The following FBXL5 variants were observed in gnomAD, a reference collection of about 807,000 sequenced individuals.
FBXL5 encodes the protein F-box and leucine rich repeat protein 5.
A neutral mutation model predicts 78.3 loss-of-function variants in FBXL5; 26 were observed. The ratio of observed to expected loss-of-function variants is 0.33; its 90% CI spans 0.24 to 0.46. The LOEUF (loss-of-function observed/expected upper bound fraction) is 0.46. Ranked by LOEUF, FBXL5 falls within the 20% of genes least tolerant of loss-of-function variation. The pLI, the probability that FBXL5 is intolerant of heterozygous loss-of-function variation, is 1.00. For synonymous variants in FBXL5, 295 were observed against 282.5 expected, an observed-to-expected ratio of 1.04 and a Z score of -0.45; for missense variants, 710 against 829.2, an observed-to-expected ratio of 0.86 and a Z score of 1.77.
chr4:15,650,971 C>G (rs1715959028), intron 1 of FBXL5, among the ~76,000 whole-genome samples: 1 of 152,120 alleles, frequency 6.6e-6, no homozygotes, highest in African/African-American at 2.4e-5. Flanking sequence ...AGTGATAAAT[C>G]AAGTATTACA....
chr4:15,644,525 T>G lies in FBXL5; in HGVS notation c.268A>C (p.Ser90Arg), dbSNP rs1246128976. The change falls in exon 2 of 11, where the codon AGC becomes CGC. Residue 90 changes from serine (S) to arginine (R), a missense_variant. By Grantham distance (110) the Ser-to-Arg change is moderately radical. Transcript: ENST00000341285. Reference protein sequence around the residue: ...HSDNKLSEMLSLFEKGLKNVK... With the variant: ...HSDNKLSEMLRLFEKGLKNVK... ...TTCTTCAGTCCCTTTTCAAAGAGGC[T>G]AAGCATCTCGGAGAGTTTATTGTCA... is the stretch of plus-strand genomic sequence containing the variant. 1 of 1,613,704 alleles carries G rather than the reference T, an allele frequency of 6.2e-7. No homozygotes were observed. Among genetic ancestry groups the G allele is most frequent in the African/African-American group, 1.3e-5 (1 of 74,944 alleles).
At chr4:15,627,829 A>G (rs2148585678) in intron 7 of FBXL5, 56 bp downstream of exon 7, 1 of 1,548,160 alleles carries the variant, frequency 6.5e-7, no homozygotes, top group Non-Finnish European at 8.7e-7. Context: ...TGAGCAAACC[A>G]AACTCTTATC....
intron 1 of FBXL5, among the ~76,000 whole-genome samples, chr4:15,646,344 T>C (rs921283680): frequency 6.7e-6 from 1 of 149,448 alleles, no homozygotes; most frequent in African/African-American, 2.5e-5. Context: ...AGGCAGGACA[T>C]ACTTGGTTAA....
At chr4:15,636,062 GAATT>G (rs1171219109) in intron 5 of FBXL5, among the ~76,000 whole-genome samples, 2 of 151,794 alleles carry the variant, frequency 1.3e-5, no homozygotes, top group Non-Finnish European at 2.9e-5. Context: ...AAATTTTATA[GAATT>G]TATTCTGTAT....
intron 9 of FBXL5, among the ~76,000 whole-genome samples, chr4:15,624,620 G>A (rs7682586): frequency 0.28 from 42,365 of 149,926 alleles, 6,212 homozygotes; most frequent in East Asian, 0.47. Flanking sequence ...AAAAAAAGTC[G>A]GTTTAATCTG....
At chr4:15,607,911 C>T (rs1183224907) in intron 10 of FBXL5, among the ~76,000 whole-genome samples, 1 of 152,104 alleles carries the variant, frequency 6.6e-6, no homozygotes, top group Non-Finnish European at 1.5e-5. Flanking sequence ...AACTGCAACT[C>T]CCTCAAATAT....
chr4:15,680,157 G>C (rs1718164822), intron 1 of FBXL5, among the ~76,000 whole-genome samples: 1 of 151,956 alleles, frequency 6.6e-6, no homozygotes, highest in Middle Eastern at 3.4e-3. Flanking sequence ...TATTGAAGGA[G>C]AGACCGAGTG....
At chr4:15,629,079 A>G (rs1242646795) in intron 6 of FBXL5, among the ~76,000 whole-genome samples, 5 of 152,266 alleles carry the variant, frequency 3.3e-5, no homozygotes, top group South Asian at 4.1e-4. Context: ...ATGAAAAACA[A>G]TAACTTCTTA....
chr4:15,658,651 C>T (rs1455818416), upstream of FBXL5, among the ~76,000 whole-genome samples: 2 of 152,172 alleles, frequency 1.3e-5, no homozygotes, highest in Non-Finnish European at 2.9e-5. Flanking sequence ...GATGCAGCCC[C>T]TTGACCATAG....
At chr4:15,636,177 A>G (rs1714242981) in intron 5 of FBXL5, among the ~76,000 whole-genome samples, 1 of 152,132 alleles carries the variant, frequency 6.6e-6, no homozygotes. Flanking sequence ...AAAACAGTCA[A>G]AAGCAGAACT....
At chr4:15,641,279 A>T (rs1173794335) in intron 2 of FBXL5, among the ~76,000 whole-genome samples, 1 of 152,112 alleles carries the variant, frequency 6.6e-6, no homozygotes, top group Non-Finnish European at 1.5e-5. Flanking sequence ...AAAACTCAGA[A>T]TATAGTTGAC....
At chr4:15,661,058 C>T (rs1717286597), upstream of FBXL5, among the ~76,000 whole-genome samples, 3 of 149,712 alleles carry the variant, frequency 2.0e-5, no homozygotes, top group Non-Finnish European at 3.0e-5. Context: ...GCCTGGGTGA[C>T]AGAGCAAGGC....
rs183065560 is a variant in FBXL5, at chr4:15,616,058, C to T, written c.1851-3644G>A. Among the ~76,000 whole-genome samples the T allele has an allele frequency of 5.5e-3, 841 of 151,790 alleles. 3 individuals carry two copies. The highest frequency in any genetic ancestry group is 0.01 in the Middle Eastern group (3 of 294). ...ACCGGGAGGAATGAACAACTCCAGA[C>T]GCGCTGCCTTAAGAGCTGTAACACT... On this transcript the variant is annotated intron_variant, in intron 9 of 10. Transcript: ENST00000341285.
intron 2 of FBXL5, 136 bp downstream of exon 2, chr4:15,644,357 T>C (rs1318075563): frequency 1.4e-6 from 1 of 702,830 alleles, no homozygotes; most frequent in African/African-American, 1.8e-5. Context: ...TAGTCTTCCT[T>C]GCCATCTTTA....
intron 6 of FBXL5, among the ~76,000 whole-genome samples, chr4:15,628,837 T>TA (rs1303394577): frequency 6.6e-6 from 1 of 151,948 alleles, no homozygotes; most frequent in Non-Finnish European, 1.5e-5. Flanking sequence ...AAAATTACTT[T>TA]AGTGAGCCCT....
intron 8 of FBXL5, 55 bp from the exon 9 acceptor site, chr4:15,626,032 T>C (rs1713027124): frequency 1.4e-5 from 20 of 1,443,256 alleles, no homozygotes; most frequent in Middle Eastern, 1.8e-4. Flanking sequence ...TCAAAAGCAT[T>C]TGACTATATG....
chr4:15,636,564 G>T lies in FBXL5; in HGVS notation c.696C>A (p.Ser232Arg). The T allele has an allele frequency of 6.2e-7, 1 of 1,613,940 alleles. No individual in the cohort carries two copies. Among genetic ancestry groups the T allele is most frequent in the South Asian group, 1.1e-5 (1 of 91,070 alleles). The change falls in exon 5 of 11, where the codon AGC (serine) becomes AGA (arginine). Residue 232 changes from serine to arginine, a missense_variant. Ser to Arg is a moderately radical substitution (Grantham distance 110). This residue lies in a region of FBXL5 where 517 missense variants were observed against 542.9 expected (regional missense o/e 0.95). Coordinates refer to ENST00000341285, the MANE Select transcript of FBXL5 (RefSeq NM_012161.4). ...PQELCRCSQV[S>R]MKWSQLTKTG... Reference sequence around the variant, plus strand: ...TTTTTGTCAGCTGAGACCATTTCATGCTTACTTGACTGCATCGACATAACT... The same window carrying T: ...TTTTTGTCAGCTGAGACCATTTCATTCTTACTTGACTGCATCGACATAACT...
intron 9 of FBXL5, among the ~76,000 whole-genome samples, chr4:15,622,516 T>G (rs956051185): frequency 6.6e-6 from 1 of 152,202 alleles, no homozygotes; most frequent in African/African-American, 2.4e-5. Flanking sequence ...CCTTTCCTGG[T>G]TCATTCAATA....
chr4:15,626,816 A>G (rs1486863445), intron 8 of FBXL5, 57 bp downstream of exon 8: 3 of 1,257,630 alleles, frequency 2.4e-6, no homozygotes, highest in Non-Finnish European at 3.3e-6. Flanking sequence ...GCAATTACAT[A>G]AATGAAACCT....
Sources: allele counts gnomAD v4.1 joint callset (sites outside exome capture counted in the v4.1 genomes callset), GRCh38; gene constraint gnomAD v4.1.1; regional missense constraint gnomAD v4.1.1; transcripts MANE v1.5; gene names NCBI Gene and HGNC (gene_info 2026-07-23, HGNC 2026-07-21).